Variants in MEX3C observed in about 807,000 individuals in gnomAD.
MEX3C encodes mex-3 RNA binding family member C, also known as RNA-binding E3 ubiquitin-protein ligase MEX3C.
A neutral mutation model predicts 35.5 loss-of-function variants in MEX3C; 15 were observed. The observed-to-expected ratio is 0.42, with a 90% CI of 0.28 to 0.65. MEX3C has a LOEUF of 0.65. MEX3C is among the 30% of genes least tolerant of loss of function. The pLI is 0.20. For synonymous variants in MEX3C, 390 were observed against 352.8 expected, an observed-to-expected ratio of 1.11 and a Z score of -1.18; for missense variants, 711 against 842.8, an observed-to-expected ratio of 0.84 and a Z score of 1.94.
intron 1 of MEX3C, chr18:51,195,412 G>C (rs1912756045): frequency 6.6e-6 from 1 of 152,188 alleles, no homozygotes; most frequent in South Asian, 2.1e-4. Context: ...AAATCCTACA[G>C]ATAGGAAAGA....
intron 1 of MEX3C, among the ~76,000 whole-genome samples, chr18:51,192,036 A>G (rs1912662356): frequency 6.6e-6 from 1 of 152,196 alleles, no homozygotes; most frequent in Admixed American, 6.5e-5. Context: ...GCATTCCCTT[A>G]TAACTAAATG....
At chr18:51,188,475 G>A (rs763650047) in intron 1 of MEX3C, among the ~76,000 whole-genome samples, 14 of 151,976 alleles carry the variant, frequency 9.2e-5, no homozygotes, top group Non-Finnish European at 1.9e-4. Context: ...CTAGCCAGGC[G>A]TGGTGGTGTG....
rs1912363037 is a variant in MEX3C at position 51,178,896 on chromosome 18, A to C, written c.755-1320T>G. Among the ~76,000 whole-genome samples, 6 of 151,816 alleles carry C rather than the reference A, an allele frequency of 4.0e-5. No homozygotes were observed. In the South Asian group the frequency reaches 1.0e-3, roughly 26 times the overall value. ...AAACCAAACAAACAAACAAAAAAAG[A>C]AGCTAGGTGCTACTGAAGTGTCACA... On this transcript the variant is annotated intron_variant, in intron 1 of 1. Transcript: ENST00000406189.
At chr18:51,182,273 GGAAGGCATCCCTGTTGGATAA>G (rs535125717) in intron 1 of MEX3C, among the ~76,000 whole-genome samples, 274 of 151,952 alleles carry the variant, frequency 1.8e-3, no homozygotes, top group Non-Finnish European at 3.2e-3. Flanking sequence ...TAAGGTCTTG[GGAAGGCATCCCTGTTGGATAA>G]GGGGGGGACT....
chr18:51,183,736 T>C (rs1912476178), intron 1 of MEX3C, among the ~76,000 whole-genome samples: 1 of 152,130 alleles, frequency 6.6e-6, no homozygotes, highest in Non-Finnish European at 1.5e-5. Flanking sequence ...TCCTAGCACT[T>C]TGGAGGCTGA....
intron 1 of MEX3C, among the ~76,000 whole-genome samples, chr18:51,187,723 C>CA (rs1160758695): frequency 6.6e-6 from 1 of 151,822 alleles, no homozygotes; most frequent in East Asian, 1.9e-4. Context: ...AAAACAAAAA[C>CA]AAAAACAAAC....
chr18:51,193,971 T>C (rs188046744), intron 1 of MEX3C: 22 of 152,352 alleles, frequency 1.4e-4, no homozygotes, highest in Admixed American at 5.9e-4. Context: ...TAGAAAATTA[T>C]GGCTTCAGGT....
In MEX3C at chr18:51,177,520, G is replaced by T. The variant is rs975750691; in HGVS notation, c.811C>A (p.Arg271Ser). The change falls in exon 2 of 2, where the codon CGT becomes AGT. Residue 271 changes from arginine to serine, a missense_variant. Physicochemically the swap from Arg to Ser is moderately radical, Grantham distance 110. Transcript: ENST00000406189. This position sits in a 1 kb window ranked among gnomAD's most constrained non-coding sequence, Gnocchi z 4.2. Reference protein sequence around the residue: ...KTNTYIKTPVRGEEPIFVVTG... With the variant: ...KTNTYIKTPVSGEEPIFVVTG... ...ACAACAAAAATGGGCTCTTCACCAC[G>T]AACAGGAGTCTTGATATACGTGTTT... 2 of 1,613,860 alleles carry T rather than the reference G, an allele frequency of 1.2e-6. No individual in the cohort carries two copies. The highest frequency in any genetic ancestry group is 1.7e-6 in the Non-Finnish European group (2 of 1,179,846).
intron 1 of MEX3C, among the ~76,000 whole-genome samples, chr18:51,185,390 G>A (rs555836459): frequency 6.6e-6 from 1 of 152,208 alleles, no homozygotes; most frequent in South Asian, 2.1e-4. Flanking sequence ...AACTGGGAAA[G>A]GTTTTCTGCT....
intron 1 of MEX3C, chr18:51,193,211 G>T (rs887745701): frequency 6.6e-6 from 1 of 151,722 alleles, no homozygotes; most frequent in Non-Finnish European, 1.5e-5. Flanking sequence ...TTTTGGACAG[G>T]GTGTACAATA....
At chr18:51,196,430 C>T in intron 1 of MEX3C, 137 bp downstream of exon 1, 1 of 1,426,282 alleles carries the variant, frequency 7.0e-7, no homozygotes, top group Non-Finnish European at 9.1e-7. Flanking sequence ...GGTCGACCCT[C>T]GGCTCCTCCC....
At position 51,181,750 on chromosome 18, in the gene MEX3C, G is replaced by A. The variant is rs572966713; in HGVS notation, c.755-4174C>T. ...ATGCTATACACTCATAAAAGTGGTT[G>A]ACCTAGGGGGACAGGGAAGGAGGGA... On this transcript the variant is annotated intron_variant, in intron 1 of 1. Coordinates refer to ENST00000406189, the MANE Select transcript of MEX3C (RefSeq NM_016626.5). 2.6e-5 allele frequency among the ~76,000 whole-genome samples: 4 copies of A among 152,286 alleles called. No homozygotes were observed. The South Asian group carries it at 8.3e-4, about 32-fold the overall frequency.
At chr18:51,187,795 T>A (rs1912572227) in intron 1 of MEX3C, among the ~76,000 whole-genome samples, 1 of 152,236 alleles carries the variant, frequency 6.6e-6, no homozygotes. Flanking sequence ...GTTGTATTAA[T>A]AATTTTATAC....
At chr18:51,189,860 T>A (rs1912617179) in intron 1 of MEX3C, among the ~76,000 whole-genome samples, 1 of 152,162 alleles carries the variant, frequency 6.6e-6, no homozygotes, top group Admixed American at 6.5e-5. Flanking sequence ...TTAAATAAAT[T>A]TTAAGACATA....
intron 1 of MEX3C, among the ~76,000 whole-genome samples, chr18:51,190,939 TA>T (rs991117607): frequency 5.3e-4 from 81 of 152,258 alleles, no homozygotes; most frequent in Non-Finnish European, 8.1e-4. Context: ...TGCAGTTTAA[TA>T]AAAAAGGTAT....
chr18:51,176,162 G>A lies in MEX3C; in HGVS notation c.*189C>T. The A allele has an allele frequency of 1.8e-6, 1 of 555,128 alleles. No homozygotes were observed. The highest frequency in any genetic ancestry group is 3.1e-6 in the Non-Finnish European group (1 of 326,054). 34.4% of individuals were successfully genotyped at this position (555,128 alleles called of 1,614,324 possible). A position where few individuals can be genotyped will look rare whatever the true frequency, so the allele number is the denominator to read the frequency against. ...ACTAATAATTCAAACCAAACTAATA[G>A]ACAAGAGACCACTTAGGTTTAGTGT... On this transcript the variant is annotated 3_prime_UTR_variant, in exon 2 of 2. Coordinates refer to ENST00000406189, the MANE Select transcript of MEX3C (RefSeq NM_016626.5).
chr18:51,190,901 A>G (rs1912637307), intron 1 of MEX3C, among the ~76,000 whole-genome samples: 1 of 152,222 alleles, frequency 6.6e-6, no homozygotes, highest in Non-Finnish European at 1.5e-5. Context: ...AAATTATGGC[A>G]TATAAGCTAC....
chr18:51,177,470 G>A lies in MEX3C; in HGVS notation c.861C>T (p.Ala287=), dbSNP rs559716751. Residue 287 remains alanine, a synonymous_variant, in exon 2 of 2, where the codon GCC becomes GCT. Coordinates refer to ENST00000406189, the MANE Select transcript of MEX3C (RefSeq NM_016626.5). This position sits in a 1 kb window ranked among gnomAD's most constrained non-coding sequence, Gnocchi z 4.2. Reference sequence around the variant, plus strand: ...CTGAGAGGATCTCTCTTTTGGCCATGGCAACATCTTCTTTCCTTCCAGTGA... The same window carrying A: ...CTGAGAGGATCTCTCTTTTGGCCATAGCAACATCTTCTTTCCTTCCAGTGA... ...FVVTGRKEDV[A]MAKREILSAA... 8.7e-6 allele frequency: 14 copies of A among 1,613,996 alleles called. No homozygotes were observed. The East Asian group carries it at 2.7e-4, about 31-fold the overall frequency.
rs762286593 is a variant in MEX3C at position 51,180,546 on chromosome 18, C to T, written c.755-2970G>A. 9.2e-5 allele frequency among the ~76,000 whole-genome samples: 14 copies of T among 152,212 alleles called. 1 individual carries two copies. The highest frequency in any genetic ancestry group is 1.6e-4 in the Non-Finnish European group (11 of 68,008). ...AGGTTGGAGTGCAGTGGCACCATATCGGCTCACTGCAACTTCCGTCTCCTG... is the reference window on the plus strand; with the variant it reads ...AGGTTGGAGTGCAGTGGCACCATATTGGCTCACTGCAACTTCCGTCTCCTG... On this transcript the variant is annotated intron_variant, in intron 1 of 1. Transcript: ENST00000406189.
Sources: gnomAD v4.1 joint callset for allele counts (sites outside exome capture counted in the v4.1 genomes callset) on GRCh38, gnomAD v4.1.1 for gene constraint, Gnocchi (gnomAD v3.1) non-coding constraint, MANE v1.5 for transcripts, NCBI Gene and HGNC (gene_info 2026-07-23, HGNC 2026-07-21) for gene names.